The following RASGRF1 variants were observed in gnomAD, a reference collection of about 807,000 sequenced individuals.
RASGRF1 encodes the protein ras-specific guanine nucleotide-releasing factor 1.
A neutral mutation model predicts 138.7 loss-of-function variants in RASGRF1; 40 were observed. That is an observed-to-expected ratio of 0.29 (90% confidence interval 0.22 to 0.38). The LOEUF (loss-of-function observed/expected upper bound fraction) is 0.38. Among genes scored for constraint, RASGRF1 ranks in the 10% least tolerant of loss-of-function variants. The pLI, the probability that RASGRF1 is intolerant of heterozygous loss-of-function variation, is 1.00. For missense variants in RASGRF1, 1,108 were observed against 1,650.4 expected, an observed-to-expected ratio of 0.67 and a Z score of 5.69; for synonymous variants, 614 against 663.2, an observed-to-expected ratio of 0.93 and a Z score of 1.14.
rs2057786820 is a variant in RASGRF1, at chr15:79,073,326, G to T, written c.277-8800C>A. ...TCTAAGGGCAGCTGGTTCCTGTGGG[G>T]AAGCTGGGCTGGGGCTCTTCCCTTA... On this transcript the variant is annotated intron_variant, in intron 1 of 26. Transcript: ENST00000558480. The surrounding 1 kb of genome is among the most constrained non-coding windows in gnomAD (Gnocchi z 4.2). 6.6e-6 allele frequency among the ~76,000 whole-genome samples: 1 copy of T among 152,184 alleles called. No homozygotes were observed. The highest frequency in any genetic ancestry group is 1.5e-5 in the Non-Finnish European group (1 of 68,028).
At chr15:79,024,102 TAC>T (rs777295340) in intron 10 of RASGRF1, among the ~76,000 whole-genome samples, 14 of 146,636 alleles carry the variant, frequency 9.5e-5, no homozygotes, top group Admixed American at 2.7e-4. Context: ...CACACATACA[TAC>T]ACAGAGACAC....
chr15:79,046,975 G>A lies in RASGRF1; in HGVS notation c.649C>T (p.Leu217=). The part of the protein sequence containing the change: ...KKVQSFLRGW[L]CRRKWKTIIQ... ...ATGGTCTTCCACTTCCGCCGGCACA[G>A]CCAGCCCCGCAGGAAGCTCTGCACC... Residue 217 remains leucine (L), a synonymous_variant, in exon 5 of 27, where the codon CTG becomes TTG. Transcript: ENST00000558480. This position sits in a 1 kb window ranked among gnomAD's most constrained non-coding sequence, Gnocchi z 5.3. 1.2e-6 allele frequency: 2 copies of A among 1,613,118 alleles called. No homozygotes were observed. The highest frequency in any genetic ancestry group is 1.7e-6 in the Non-Finnish European group (2 of 1,179,780).
At chr15:78,986,636 C>T (rs535847840) in intron 22 of RASGRF1, among the ~76,000 whole-genome samples, 40 of 151,962 alleles carry the variant, frequency 2.6e-4, no homozygotes, top group Non-Finnish European at 5.1e-4. Context: ...TGTGAGCCAC[C>T]GCGCCCGGCC....
At chr15:78,972,342 C>T (rs552104221) in intron 25 of RASGRF1, among the ~76,000 whole-genome samples, 4 of 151,694 alleles carry the variant, frequency 2.6e-5, no homozygotes, top group Admixed American at 2.6e-4. Flanking sequence ...GTGATCCACC[C>T]GCCTCAGCTC....
intron 15 of RASGRF1, among the ~76,000 whole-genome samples, chr15:79,003,284 G>A (rs1051745618): frequency 2.0e-5 from 3 of 152,208 alleles, no homozygotes; most frequent in Non-Finnish European, 2.9e-5. Context: ...CGCTCCTAAT[G>A]GTGTTCCCAC....
chr15:78,984,816 C>T (rs2056112723), intron 23 of RASGRF1, 191 bp downstream of exon 23: 3 of 638,360 alleles, frequency 4.7e-6, no homozygotes, highest in South Asian at 1.8e-5. Flanking sequence ...CCAGGTCTCA[C>T]TGCCATATCT....
chr15:79,078,962 A>C (rs756599280), intron 1 of RASGRF1, among the ~76,000 whole-genome samples: 1 of 152,128 alleles, frequency 6.6e-6, no homozygotes, highest in Non-Finnish European at 1.5e-5. Flanking sequence ...AGTTGAGAGG[A>C]AGTAGGTGGG....
chr15:78,973,010 A>G lies in RASGRF1; in HGVS notation c.3612+293T>C, dbSNP rs1596312140. 6.6e-6 allele frequency among the ~76,000 whole-genome samples: 1 copy of G among 151,946 alleles called. No individual in the cohort carries two copies. Among genetic ancestry groups the G allele is most frequent in the East Asian group, 1.9e-4 (1 of 5,188 alleles). Reference sequence around the variant, plus strand: ...GACCTTGGGCTGCTCACTTGACCTCACTCAGCCTCAGTCTGCTCATCTGAA... The same window carrying G: ...GACCTTGGGCTGCTCACTTGACCTCGCTCAGCCTCAGTCTGCTCATCTGAA... On this transcript the variant is annotated intron_variant, in intron 25 of 26. Transcript: ENST00000558480. The surrounding 1 kb of genome is among the most constrained non-coding windows in gnomAD (Gnocchi z 4.9).
intron 1 of RASGRF1, among the ~76,000 whole-genome samples, chr15:79,089,677 A>G (rs4778882): frequency 0.51 from 77,981 of 152,160 alleles, 22,092 homozygotes; most frequent in African/African-American, 0.77. Flanking sequence ...GTGTAGCCCC[A>G]TAACCCCAGC....
intron 8 of RASGRF1, among the ~76,000 whole-genome samples, chr15:79,030,849 G>A (rs547894860): frequency 5.9e-5 from 9 of 152,322 alleles, no homozygotes; most frequent in African/African-American, 2.2e-4. Flanking sequence ...AGCCCCCTCC[G>A]TGCTCCCCTG....
rs988289923 is a variant in RASGRF1, at chr15:79,032,220, T to C, written c.1055A>G (p.Gln352Arg). The change falls in exon 7 of 27, where the codon CAG becomes CGG. Residue 352 changes from glutamine (Q) to arginine (R), a missense_variant. Coordinates refer to ENST00000558480, the MANE Select transcript of RASGRF1 (RefSeq NM_001145648.3). The surrounding 1 kb of genome is among the most constrained non-coding windows in gnomAD (Gnocchi z 4.5). ...CAGCAGCTTGTCGAAGTCACGGTTC[T>C]GCTTGCAGTGGGCCAGGATCTGCAG... ...YSLQILAHCK[Q>R]NRDFDKLLKH... The C allele has an allele frequency of 6.2e-7, 1 of 1,614,120 alleles. No individual in the cohort carries two copies. The highest frequency in any genetic ancestry group is 8.5e-7 in the Non-Finnish European group (1 of 1,179,982).
Position 79,055,774 on chromosome 15 carries a change from G to A in RASGRF1, c.531+2560C>T, listed in dbSNP as rs776892081. On this transcript the variant is annotated intron_variant, in intron 3 of 26. Coordinates refer to ENST00000558480, the MANE Select transcript of RASGRF1 (RefSeq NM_001145648.3). ...CAATTTCCTGACTTGGGTTCACAGC[G>A]CAAGCCCTACTATGGCACTGAAGAC... is the stretch of plus-strand genomic sequence containing the variant. Among the ~76,000 whole-genome samples the A allele has an allele frequency of 3.9e-5, 6 of 152,090 alleles. No individual in the cohort carries two copies. The East Asian group carries it at 5.8e-4, about 15-fold the overall frequency.
intron 2 of RASGRF1, among the ~76,000 whole-genome samples, chr15:79,063,260 T>A (rs1450111485): frequency 6.6e-6 from 1 of 152,220 alleles, no homozygotes; most frequent in Non-Finnish European, 1.5e-5. Context: ...TTGGTTCATA[T>A]GTGACAACCT....
At chr15:78,976,583 CA>C (rs2141609089) in intron 24 of RASGRF1, among the ~76,000 whole-genome samples, 1 of 152,036 alleles carries the variant, frequency 6.6e-6, no homozygotes, top group East Asian at 1.9e-4. Context: ...CACACACACA[CA>C]CCCATCCGAA....
At chr15:79,058,306 C>T in intron 3 of RASGRF1, 28 bp downstream of exon 3, 2 of 1,607,106 alleles carry the variant, frequency 1.2e-6, no homozygotes, top group Non-Finnish European at 1.7e-6. Flanking sequence ...TGCCTAGGGC[C>T]TGGGCCCACC....
intron 20 of RASGRF1, among the ~76,000 whole-genome samples, chr15:78,994,607 T>C (rs956297481): frequency 2.8e-4 from 43 of 152,112 alleles, no homozygotes; most frequent in African/African-American, 8.0e-4. Context: ...CATTCTGGGG[T>C]GCACATCACT....
chr15:79,034,870 G>T (rs902110818), intron 6 of RASGRF1, among the ~76,000 whole-genome samples: 1 of 152,204 alleles, frequency 6.6e-6, no homozygotes, highest in African/African-American at 2.4e-5. Flanking sequence ...ACTTTTATGG[G>T]TTCTCAATTT....
chr15:79,045,996 T>C (rs1271955530), intron 5 of RASGRF1, among the ~76,000 whole-genome samples: 2 of 152,212 alleles, frequency 1.3e-5, no homozygotes, highest in African/African-American at 2.4e-5. Context: ...ATCTAGTTTA[T>C]ACAATTTTAT....
chr15:79,025,503 C>T (rs1354489903), intron 9 of RASGRF1, 29 bp from the exon 10 acceptor site: 4 of 1,599,988 alleles, frequency 2.5e-6, no homozygotes, highest in Admixed American at 1.7e-5. Flanking sequence ...GACCCTGAGC[C>T]CATCTCCTGG....
Sources: allele counts gnomAD v4.1 joint callset (sites outside exome capture counted in the v4.1 genomes callset), GRCh38; gene constraint gnomAD v4.1.1; non-coding constraint Gnocchi (gnomAD v3.1); transcripts MANE v1.5; gene names NCBI Gene and HGNC (gene_info 2026-07-23, HGNC 2026-07-21).